The following CNTN1 variants were observed in gnomAD, a reference collection of about 807,000 sequenced individuals.
CNTN1 encodes contactin-1.
Under a neutral mutation model 126.4 loss-of-function variants are expected in CNTN1, and 38 were observed. That is an observed-to-expected ratio of 0.30 (90% CI 0.23 to 0.39). The LOEUF (loss-of-function observed/expected upper bound fraction) is 0.39, where lower values mean the gene tolerates loss of function less well. Ranked by LOEUF, CNTN1 falls within the 10% of genes least tolerant of loss-of-function variation. The probability of loss-of-function intolerance (pLI) is 1.00; values close to 1 mark genes in which losing one functional copy is unlikely to be tolerated. For missense variants in CNTN1, 1,009 were observed against 1,248.4 expected, an observed-to-expected ratio of 0.81 and a Z score of 2.89; for synonymous variants, 413 against 422.6, an observed-to-expected ratio of 0.98 and a Z score of 0.28.
chr12:40,840,451 C>G (rs907703850), intron 1 of CNTN1, among the ~76,000 whole-genome samples: 39 of 151,828 alleles, frequency 2.6e-4, no homozygotes, highest in African/African-American at 8.5e-4. Context: ...AGAAAATCAG[C>G]AAAGAAACAT....
intron 1 of CNTN1, among the ~76,000 whole-genome samples, chr12:40,739,807 T>G (rs1203437630): frequency 6.6e-6 from 1 of 152,074 alleles, no homozygotes; most frequent in African/African-American, 2.4e-5. Flanking sequence ...CAGACCTCAG[T>G]TGTAGTAACA....
intron 15 of CNTN1, among the ~76,000 whole-genome samples, chr12:40,973,961 T>G (rs1947600880): frequency 6.6e-6 from 1 of 152,188 alleles, no homozygotes; most frequent in Non-Finnish European, 1.5e-5. Flanking sequence ...GCTTACTATG[T>G]GTGAATGGTC....
intron 1 of CNTN1, among the ~76,000 whole-genome samples, chr12:40,786,435 G>A (rs1170368303): frequency 6.6e-6 from 1 of 152,142 alleles, no homozygotes; most frequent in Non-Finnish European, 1.5e-5. Context: ...ATGTCACAGG[G>A]CTTTACTTCA....
At chr12:41,014,857 G>A (rs1170102250) in intron 18 of CNTN1, among the ~76,000 whole-genome samples, 1 of 152,098 alleles carries the variant, frequency 6.6e-6, no homozygotes, top group African/African-American at 2.4e-5. Context: ...AATACATCTT[G>A]GCTGGATTTT....
intron 23 of CNTN1, among the ~76,000 whole-genome samples, chr12:41,055,005 T>TG (rs1949771610): frequency 6.6e-6 from 1 of 152,174 alleles, no homozygotes; most frequent in Admixed American, 6.6e-5. Flanking sequence ...ATTTTTGTTT[T>TG]GGTTTTCTTC....
chr12:40,908,323 TCTTTC>T (rs1197694223), intron 1 of CNTN1, 29 bp from the exon 2 acceptor site: 1 of 775,864 alleles, frequency 1.3e-6, no homozygotes, highest in African/African-American at 1.7e-5. Context: ...TCCTTCTAAT[TCTTTC>T]CTTCTTCTTC....
intron 16 of CNTN1, among the ~76,000 whole-genome samples, chr12:40,987,480 A>G (rs968114220): frequency 6.6e-5 from 10 of 152,174 alleles, no homozygotes; most frequent in African/African-American, 2.2e-4. Flanking sequence ...TGTTGTTTTC[A>G]GCGGACAAAT....
intron 1 of CNTN1, among the ~76,000 whole-genome samples, chr12:40,815,422 G>A (rs112605460): frequency 0.034 from 5,187 of 152,200 alleles, 117 homozygotes; most frequent in Non-Finnish European, 0.057. Flanking sequence ...TTGTGAATGG[G>A]ATTTCATTCA....
intron 1 of CNTN1, among the ~76,000 whole-genome samples, chr12:40,840,538 T>C (rs977757993): frequency 1.3e-5 from 2 of 152,042 alleles, no homozygotes; most frequent in Non-Finnish European, 2.9e-5. Flanking sequence ...TGGCAGAATA[T>C]ACATTCCTAT....
intron 14 of CNTN1, among the ~76,000 whole-genome samples, chr12:40,958,082 T>C (rs904954550): frequency 6.6e-6 from 1 of 152,034 alleles, no homozygotes; most frequent in African/African-American, 2.4e-5. Context: ...CATTTAAAAA[T>C]TGAGTTTTCC....
rs929188802 is a variant in CNTN1, at chr12:40,858,833, T to C, written c.-76-49524T>C. Among the ~76,000 whole-genome samples, 9 of 152,166 alleles carry C rather than the reference T, an allele frequency of 5.9e-5. No homozygotes were observed. In the South Asian group the frequency reaches 1.2e-3, roughly 21 times the overall value. Reference sequence around the variant, plus strand: ...CAAGATCATGTCCTTTGCGGGGACATGGATAGAGCTGTAAGCCATTGTTTT... The same window carrying C: ...CAAGATCATGTCCTTTGCGGGGACACGGATAGAGCTGTAAGCCATTGTTTT... On this transcript the variant is annotated intron_variant, in intron 1 of 23. Coordinates refer to ENST00000551295, the MANE Select transcript of CNTN1 (RefSeq NM_001843.4).
intron 1 of CNTN1, among the ~76,000 whole-genome samples, chr12:40,707,802 G>A (rs2121148969): frequency 6.6e-6 from 1 of 152,222 alleles, no homozygotes; most frequent in South Asian, 2.1e-4. Context: ...AGTTTCTTGG[G>A]TGGCCATTGG....
intron 1 of CNTN1, among the ~76,000 whole-genome samples, chr12:40,875,270 C>T (rs1943630687): frequency 2.6e-5 from 4 of 151,874 alleles, no homozygotes; most frequent in Non-Finnish European, 5.9e-5. Context: ...CCCAGTTTGC[C>T]CCAGGGATAC....
intron 1 of CNTN1, among the ~76,000 whole-genome samples, chr12:40,867,363 A>C (rs1592179494): frequency 6.6e-6 from 1 of 152,188 alleles, no homozygotes; most frequent in Non-Finnish European, 1.5e-5. Flanking sequence ...CACAATGATC[A>C]CTAATCTTTC....
chr12:40,747,902 T>C (rs773674272), intron 1 of CNTN1, among the ~76,000 whole-genome samples: 1 of 152,114 alleles, frequency 6.6e-6, no homozygotes, highest in African/African-American at 2.4e-5. Flanking sequence ...CAATCAGTAG[T>C]CTGAGTTGAG....
intron 16 of CNTN1, 41 bp from the exon 17 acceptor site, chr12:40,993,079 T>C (rs781136279): frequency 6.4e-7 from 1 of 1,562,764 alleles, no homozygotes; most frequent in South Asian, 1.1e-5. Flanking sequence ...AGTGATAAGT[T>C]AATCAACCTG....
chr12:41,009,473 C>G (rs1948592345), intron 17 of CNTN1, among the ~76,000 whole-genome samples: 3 of 152,194 alleles, frequency 2.0e-5, no homozygotes, highest in Non-Finnish European at 4.4e-5. Flanking sequence ...AGGTAACCCA[C>G]TGGCTGTTGA....
Position 40,937,700 on chromosome 12 carries a change from T to C in CNTN1, c.1228+13T>C, listed in dbSNP as rs1185588621. 6.9e-7 allele frequency: 1 copy of C among 1,442,466 alleles called. No homozygotes were observed. The highest frequency in any genetic ancestry group is 1.7e-5 in the Admixed American group (1 of 59,750). 89.4% of individuals were successfully genotyped at this position (1,442,466 alleles called of 1,614,324 possible). ...TTGAAGATCTTGGGTCAGTATCATT[T>C]CTAATTTCTGTTAAACATTGTTAAA... On this transcript the variant is annotated intron_variant, in intron 11 of 23. Transcript: ENST00000551295.
chr12:41,057,038 A>T (rs1210114704), intron 23 of CNTN1, among the ~76,000 whole-genome samples: 1 of 61,298 alleles, frequency 1.6e-5, no homozygotes, highest in Admixed American at 1.6e-4. Flanking sequence ...TAAATATTAT[A>T]AATATTTAGA....
Sources: allele counts gnomAD v4.1 joint callset (sites outside exome capture counted in the v4.1 genomes callset), GRCh38; gene constraint gnomAD v4.1.1; transcripts MANE v1.5; gene names NCBI Gene and HGNC (gene_info 2026-07-23, HGNC 2026-07-21).